The following FHIT variants were observed in gnomAD, a reference collection of about 807,000 sequenced individuals.
FHIT encodes the protein bis(5'-adenosyl)-triphosphatase.
A neutral mutation model predicts 17.9 loss-of-function variants in FHIT; 19 were observed. That is an observed-to-expected ratio of 1.06 (90% CI 0.74 to 1.56). The LOEUF (loss-of-function observed/expected upper bound fraction) is 1.56. Ranked by LOEUF, FHIT falls within the 40% of genes most tolerant of loss-of-function variation. The probability of loss-of-function intolerance (pLI) is 0.00; values close to 1 mark genes in which losing one functional copy is unlikely to be tolerated. For missense variants in FHIT, 248 were observed against 189.2 expected (o/e 1.31, Z -1.82); for synonymous variants, 81 against 69.7 (o/e 1.16, Z -0.81).
intron 8 of FHIT, among the ~76,000 whole-genome samples, chr3:59,869,521 G>A (rs867792541): frequency 1.7e-4 from 20 of 115,798 alleles, no homozygotes; most frequent in Admixed American, 9.1e-4. Flanking sequence ...TCGCTCTGTC[G>A]CCCAGGCTGG....
intron 3 of FHIT, among the ~76,000 whole-genome samples, chr3:60,913,523 T>G (rs927657470): frequency 3.9e-5 from 6 of 152,232 alleles, no homozygotes; most frequent in Non-Finnish European, 7.3e-5. Flanking sequence ...TGAAAAGCAC[T>G]GCTGTGGACC....
At chr3:60,786,756 C>T (rs1700590146) in intron 4 of FHIT, among the ~76,000 whole-genome samples, 1 of 152,100 alleles carries the variant, frequency 6.6e-6, no homozygotes, top group Non-Finnish European at 1.5e-5. Flanking sequence ...CAGTGCTTTG[C>T]ACAGGGCCTG....
intron 5 of FHIT, among the ~76,000 whole-genome samples, chr3:60,231,946 G>A (rs935436057): frequency 5.3e-5 from 8 of 152,112 alleles, no homozygotes; most frequent in Non-Finnish European, 1.2e-4. Context: ...CAGGAGACAG[G>A]GAGCATAAAA....
At chr3:60,914,505 A>G (rs1706906486) in intron 3 of FHIT, among the ~76,000 whole-genome samples, 1 of 151,860 alleles carries the variant, frequency 6.6e-6, no homozygotes, top group South Asian at 2.1e-4. Context: ...GAAAATGAGT[A>G]AGGTTTTCAA....
intron 5 of FHIT, among the ~76,000 whole-genome samples, chr3:60,485,139 A>G (rs1271198350): frequency 1.3e-5 from 2 of 152,216 alleles, no homozygotes; most frequent in African/African-American, 4.8e-5. Context: ...TGAGTACTGA[A>G]AAACCAAGAA....
intron 4 of FHIT, chr3:60,617,925 C>A: frequency 4.2e-6 from 1 of 237,802 alleles, no homozygotes; most frequent in Admixed American, 5.3e-5. Flanking sequence ...TTTGTGATAA[C>A]TGAAAAATCC....
intron 5 of FHIT, among the ~76,000 whole-genome samples, chr3:60,039,390 TAA>T (rs1477094580): frequency 3.3e-5 from 5 of 152,092 alleles, no homozygotes; most frequent in Non-Finnish European, 7.4e-5. Flanking sequence ...TAACCAAACA[TAA>T]AAAGTTTAAA....
At chr3:60,000,780 T>C (rs889952087) in intron 7 of FHIT, among the ~76,000 whole-genome samples, 2 of 152,090 alleles carry the variant, frequency 1.3e-5, no homozygotes, top group Non-Finnish European at 2.9e-5. Context: ...ACATCAAATA[T>C]ATTTAAAATT....
intron 2 of FHIT, among the ~76,000 whole-genome samples, chr3:61,091,709 A>G (rs1210543211): frequency 6.6e-6 from 1 of 152,030 alleles, no homozygotes; most frequent in African/African-American, 2.4e-5. Context: ...GCACTTTGGG[A>G]GGCCGAGGCA....
chr3:60,052,237 A>G (rs116137982), intron 5 of FHIT, among the ~76,000 whole-genome samples: 24 of 152,292 alleles, frequency 1.6e-4, no homozygotes, highest in African/African-American at 5.1e-4. Context: ...AAGCAACAGC[A>G]TTAATTCTAG....
At chr3:60,254,420 G>C (rs986000444) in intron 5 of FHIT, among the ~76,000 whole-genome samples, 1 of 152,094 alleles carries the variant, frequency 6.6e-6, no homozygotes, top group Non-Finnish European at 1.5e-5. Flanking sequence ...ATAAATTAGA[G>C]ATACTATATC....
At chr3:59,841,185 G>A (rs1328214137) in intron 8 of FHIT, among the ~76,000 whole-genome samples, 2 of 152,126 alleles carry the variant, frequency 1.3e-5, no homozygotes, top group African/African-American at 4.8e-5. Context: ...TGGGTTACCT[G>A]TCATTCTGGA....
At chr3:60,783,721 AAC>A (rs1341563956) in intron 4 of FHIT, among the ~76,000 whole-genome samples, 4 of 152,234 alleles carry the variant, frequency 2.6e-5, no homozygotes, top group Non-Finnish European at 5.9e-5. Context: ...AAATTTCATC[AAC>A]AGTTGTCTCT....
intron 5 of FHIT, among the ~76,000 whole-genome samples, chr3:60,370,855 C>T (rs1700299288): frequency 6.6e-6 from 1 of 152,184 alleles, no homozygotes; most frequent in Non-Finnish European, 1.5e-5. Context: ...AACATAGTTT[C>T]CTGTTTTAAA....
intron 4 of FHIT, among the ~76,000 whole-genome samples, chr3:60,807,389 A>G (rs1191776752): frequency 6.6e-6 from 1 of 151,698 alleles, no homozygotes; most frequent in Admixed American, 6.6e-5. Context: ...CCTGGGCAAC[A>G]TAGGGACACC....
intron 8 of FHIT, among the ~76,000 whole-genome samples, chr3:59,805,170 C>T (rs1255179805): frequency 6.6e-6 from 1 of 152,132 alleles, no homozygotes; most frequent in Non-Finnish European, 1.5e-5. Flanking sequence ...TCTGTGGGCA[C>T]TTACTCCTTC....
At chr3:59,938,314 A>G (rs1282038964) in intron 7 of FHIT, among the ~76,000 whole-genome samples, 1 of 152,200 alleles carries the variant, frequency 6.6e-6, no homozygotes, top group Non-Finnish European at 1.5e-5. Context: ...GAAAAATATC[A>G]CATGATCTTA....
chr3:60,296,874 GT>G (rs1292843858), intron 5 of FHIT, among the ~76,000 whole-genome samples: 13 of 143,820 alleles, frequency 9.0e-5, no homozygotes, highest in Admixed American at 3.5e-4. Flanking sequence ...TGTACAATTT[GT>G]TGAAAAGTCT....
At chr3:60,027,098 T>TTC (rs1431055291) in intron 5 of FHIT, among the ~76,000 whole-genome samples, 9 of 129,716 alleles carry the variant, frequency 6.9e-5, no homozygotes, top group African/African-American at 2.8e-4. Context: ...GTAAGACTGT[T>TTC]TCACACACAG....
Sources: gnomAD v4.1 joint callset for allele counts (sites outside exome capture counted in the v4.1 genomes callset) on GRCh38, gnomAD v4.1.1 for gene constraint, MANE v1.5 for transcripts, NCBI Gene and HGNC (gene_info 2026-07-23, HGNC 2026-07-21) for gene names.